Variants in VWA8 observed in about 807,000 individuals in gnomAD.
VWA8 encodes the protein von Willebrand factor A domain containing 8.
In VWA8, 221 loss-of-function variants were observed where a neutral mutation model predicts 241.5. The ratio of observed to expected loss-of-function variants is 0.91; its 90% CI spans 0.82 to 1.02. VWA8 has a LOEUF of 1.02. VWA8 is among the 50% of genes least tolerant of loss of function. The probability of loss-of-function intolerance (pLI) is 0.00; values close to 1 mark genes in which losing one functional copy is unlikely to be tolerated. For missense variants in VWA8, 2,322 were observed against 2,328.7 expected (o/e 1.00, Z 0.06); for synonymous variants, 852 against 827.1 (o/e 1.03, Z -0.52).
At chr13:41,959,888 G>C (rs949014233) in intron 1 of VWA8, among the ~76,000 whole-genome samples, 2 of 152,168 alleles carry the variant, frequency 1.3e-5, no homozygotes. Flanking sequence ...GATTACAGGC[G>C]TGAGCCACCG....
chr13:41,581,205 T>A (rs549007855), intron 42 of VWA8, among the ~76,000 whole-genome samples: 3 of 128,688 alleles, frequency 2.3e-5, no homozygotes, highest in Non-Finnish European at 4.6e-5. Flanking sequence ...GGTTTCACCG[T>A]GTTACCCAGG....
intron 2 of VWA8, chr13:41,926,252 C>CA (rs1876828397): frequency 7.4e-6 from 5 of 673,228 alleles, no homozygotes; most frequent in South Asian, 4.7e-5. Flanking sequence ...ACTGTGGCCT[C>CA]AAAGACCAGG....
intron 42 of VWA8, among the ~76,000 whole-genome samples, chr13:41,580,639 C>T (rs2044376441): frequency 6.6e-6 from 1 of 152,054 alleles, no homozygotes; most frequent in South Asian, 2.1e-4. Context: ...TACACTTGCT[C>T]CTGAATTACA....
chr13:41,918,950 T>C (rs1876384730), intron 2 of VWA8, among the ~76,000 whole-genome samples: 1 of 152,176 alleles, frequency 6.6e-6, no homozygotes, highest in Middle Eastern at 3.2e-3. Context: ...TCTCCAAATA[T>C]TTAGAGACTA....
At position 41,689,526 on chromosome 13, in the gene VWA8, T is replaced by C. The variant is rs780274615; in HGVS notation, c.3977-18A>G. 1 of 1,588,672 alleles carries C rather than the reference T, an allele frequency of 6.3e-7. No homozygotes were observed. The highest frequency in any genetic ancestry group is 8.6e-7 in the Non-Finnish European group (1 of 1,168,378). ...CTCTGTTTCTGAAAAGTACAAACAT[T>C]AGACACCATATGCTCCTGAAATGCT... On this transcript the variant is annotated intron_variant, in intron 33 of 44. Transcript: ENST00000379310.
intron 17 of VWA8, among the ~76,000 whole-genome samples, chr13:41,800,793 CAAA>C (rs34852903): frequency 2.5e-5 from 2 of 81,038 alleles, no homozygotes; most frequent in Admixed American, 1.2e-4. Context: ...ACTCCATCTC[CAAA>C]AAAAAAAAAA....
At chr13:41,879,177 C>G (rs933265288) in intron 9 of VWA8, among the ~76,000 whole-genome samples, 1 of 152,036 alleles carries the variant, frequency 6.6e-6, no homozygotes, top group Admixed American at 6.6e-5. Context: ...AAGATAAGTT[C>G]CGGTTCTCTT....
intron 42 of VWA8, among the ~76,000 whole-genome samples, chr13:41,587,307 T>C (rs1225987226): frequency 6.6e-6 from 1 of 152,202 alleles, no homozygotes; most frequent in Non-Finnish European, 1.5e-5. Context: ...GGCTGCAGCA[T>C]TTCTTCTGTA....
intron 17 of VWA8, among the ~76,000 whole-genome samples, chr13:41,801,216 C>T (rs1302205248): frequency 6.6e-6 from 1 of 151,660 alleles, no homozygotes; most frequent in Admixed American, 6.6e-5. Context: ...TAACAGTCTG[C>T]AGAATGCTTT....
intron 17 of VWA8, among the ~76,000 whole-genome samples, chr13:41,800,226 T>C (rs1451015113): frequency 6.6e-6 from 1 of 152,248 alleles, no homozygotes; most frequent in Non-Finnish European, 1.5e-5. Context: ...ATATTATTGC[T>C]ATGAACATTC....
chr13:41,658,907 T>C (rs1723701400), intron 37 of VWA8, among the ~76,000 whole-genome samples: 1 of 152,220 alleles, frequency 6.6e-6, no homozygotes, highest in South Asian at 2.1e-4. Context: ...TGTATCTTCC[T>C]ACCAGCAAAT....
chr13:41,574,349 G>C (rs1300794008), intron 43 of VWA8, among the ~76,000 whole-genome samples: 1 of 151,968 alleles, frequency 6.6e-6, no homozygotes, highest in Non-Finnish European at 1.5e-5. Context: ...CAAAACCCTA[G>C]GAATATACTT....
intron 4 of VWA8, among the ~76,000 whole-genome samples, chr13:41,894,563 C>T (rs1022343347): frequency 6.6e-6 from 1 of 152,086 alleles, no homozygotes; most frequent in African/African-American, 2.4e-5. Flanking sequence ...TCGCAAACAC[C>T]ACAGTAGTAA....
intron 27 of VWA8, among the ~76,000 whole-genome samples, chr13:41,702,514 T>C (rs747594679): frequency 1.4e-4 from 21 of 152,270 alleles, no homozygotes; most frequent in Non-Finnish European, 2.5e-4. Context: ...TGTTTCACTT[T>C]GTCCTACTGT....
At chr13:41,615,859 G>A (rs1326389349) in intron 37 of VWA8, among the ~76,000 whole-genome samples, 2 of 152,186 alleles carry the variant, frequency 1.3e-5, no homozygotes, top group Admixed American at 6.5e-5. Context: ...CAGTTCAGTA[G>A]ATACTACTCC....
chr13:41,812,746 C>A (rs979887966), intron 16 of VWA8, among the ~76,000 whole-genome samples: 1 of 152,028 alleles, frequency 6.6e-6, no homozygotes, highest in East Asian at 1.9e-4. Flanking sequence ...GAAGCATGAC[C>A]ACCACATATC....
At chr13:41,719,368 A>T (rs2045367002) in intron 26 of VWA8, 1 of 1,361,248 alleles carries the variant, frequency 7.3e-7, no homozygotes, top group Non-Finnish European at 9.4e-7. Context: ...TTTATTTATT[A>T]CATCTACTCA....
In VWA8 at chr13:41,865,777, C is replaced by T. The variant is rs61744773; in HGVS notation, c.1384G>A (p.Asp462Asn). 1.1e-3 allele frequency: 1,843 copies of T among 1,614,104 alleles called. 15 individuals are homozygous for T. The African/African-American group carries it at 0.022, about 19-fold the overall frequency. Residue 462 changes from aspartate to asparagine, a missense_variant, in exon 12 of 45, where the codon GAT (aspartate) becomes AAT (asparagine). Transcript: ENST00000379310. ...GGTTCTATGTTGTATCCTAAGGTAT[C>T]GGCAAAGTTCTTAGCGATCACTGTT... ...GKTVIAKNFA[D>N]TLGYNIEPIM...
intron 42 of VWA8, among the ~76,000 whole-genome samples, chr13:41,584,689 CT>C (rs772135669): frequency 1.3e-5 from 2 of 152,118 alleles, no homozygotes; most frequent in African/African-American, 2.4e-5. Flanking sequence ...TCTTCAAGGC[CT>C]GAAAAATTTA....
Sources: gnomAD v4.1 joint callset for allele counts (sites outside exome capture counted in the v4.1 genomes callset) on GRCh38, gnomAD v4.1.1 for gene constraint, MANE v1.5 for transcripts, NCBI Gene and HGNC (gene_info 2026-07-23, HGNC 2026-07-21) for gene names.